RALGAPA1: variants seen among roughly 807,000 people sequenced by gnomAD.
The protein encoded by RALGAPA1 is ral GTPase-activating protein subunit alpha-1.
RALGAPA1 carries 52 observed loss-of-function variants against 269.6 expected under a neutral mutation model. The observed-to-expected ratio is 0.19, with a 90% CI of 0.15 to 0.24. RALGAPA1 has a LOEUF of 0.24. RALGAPA1 is among the 10% of genes least tolerant of loss of function. The pLI, the probability that RALGAPA1 is intolerant of heterozygous loss-of-function variation, is 1.00. For synonymous variants in RALGAPA1, 817 were observed against 1,008.3 expected (o/e 0.81, Z 3.60); for missense variants, 1,917 against 3,013.9 (o/e 0.64, Z 8.52).
Position 35,705,336 on chromosome 14 carries a change from C to T in RALGAPA1, c.2267-5034G>A, listed in dbSNP as rs568161644. Among the ~76,000 whole-genome samples, 21 of 152,124 alleles carry T rather than the reference C, an allele frequency of 1.4e-4. No individual in the cohort carries two copies. In the South Asian group the frequency reaches 4.2e-3, roughly 30 times the overall value. On this transcript the variant is annotated intron_variant, in intron 16 of 41. Transcript: ENST00000680220. ...TACCTATTCATCCCTTCTTCTAGCC[C>T]CACCCCCCTATTCCTAGTGCCTGGA...
chr14:35,650,411 T>G (rs2062743202), intron 31 of RALGAPA1, among the ~76,000 whole-genome samples: 1 of 151,022 alleles, frequency 6.6e-6, no homozygotes, highest in South Asian at 2.1e-4. Context: ...AAATTTAAAA[T>G]AAAAAAAATA....
rs757695203 is a variant in RALGAPA1 at position 35,686,609 on chromosome 14, C to T, written c.4010G>A (p.Ser1337Asn). Reference sequence around the variant, plus strand: ...CATCAGATCAGGAACATTAGCACTGCTGCCGCCAATATCACTATTAAGAGG... The same window carrying T: ...CATCAGATCAGGAACATTAGCACTGTTGCCGCCAATATCACTATTAAGAGG... Reference protein sequence around the residue: ...LPPLNSDIGGSSANVPDLMDE... With the variant: ...LPPLNSDIGGNSANVPDLMDE... The change falls in exon 19 of 42, where the codon AGC (serine) becomes AAC (asparagine). Residue 1337 changes from serine to asparagine, a missense_variant. Transcript: ENST00000680220. 1 of 1,608,894 alleles carries T rather than the reference C, an allele frequency of 6.2e-7. No homozygotes were observed. The highest frequency in any genetic ancestry group is 1.7e-5 in the Admixed American group (1 of 59,816).
At chr14:35,596,715 A>G (rs2058951976) in intron 36 of RALGAPA1, among the ~76,000 whole-genome samples, 1 of 152,156 alleles carries the variant, frequency 6.6e-6, no homozygotes, top group South Asian at 2.1e-4. Context: ...TCAGTAATAC[A>G]TTTACATAAT....
chr14:35,742,383 T>C lies in RALGAPA1; in HGVS notation c.1434A>G (p.Gly478=). Residue 478 remains glycine, a synonymous_variant, in exon 11 of 42, where the codon GGA becomes GGG. Transcript: ENST00000680220. ...VTDHDISMEE[G]EKREEENGTN... ...ATAACTTCACCTCTTCTCTTTTTTC[T>C]CCTTCTTCCATTGAAATATCATGGT... The C allele has an allele frequency of 3.1e-6, 5 of 1,591,684 alleles. No individual in the cohort carries two copies. Among genetic ancestry groups the C allele is most frequent in the African/African-American group, 2.7e-5 (2 of 74,358 alleles).
chr14:35,714,489 ATATTTT>A (rs2068635395), intron 16 of RALGAPA1, among the ~76,000 whole-genome samples: 1 of 152,140 alleles, frequency 6.6e-6, no homozygotes, highest in Admixed American at 6.5e-5. Context: ...TTTTTACCTT[ATATTTT>A]TAAAGTCTAA....
chr14:35,706,927 AG>A (rs1278793810), intron 16 of RALGAPA1: 3 of 152,352 alleles, frequency 2.0e-5, no homozygotes, highest in Non-Finnish European at 4.4e-5. Context: ...CTACAGATTA[AG>A]TAGGGAAAAA....
chr14:35,763,842 T>C (rs961660412), intron 4 of RALGAPA1, among the ~76,000 whole-genome samples: 4 of 152,042 alleles, frequency 2.6e-5, no homozygotes, highest in Admixed American at 2.0e-4. Flanking sequence ...TTACCAAATA[T>C]TAGATAATTT....
intron 37 of RALGAPA1, among the ~76,000 whole-genome samples, chr14:35,575,698 G>A (rs1343017258): frequency 6.6e-6 from 1 of 152,124 alleles, no homozygotes; most frequent in Non-Finnish European, 1.5e-5. Context: ...AGGTTCAAGC[G>A]ATTATCTTGC....
At chr14:35,616,959 T>G (rs2060288804) in intron 35 of RALGAPA1, among the ~76,000 whole-genome samples, 1 of 152,172 alleles carries the variant, frequency 6.6e-6, no homozygotes, top group Non-Finnish European at 1.5e-5. Context: ...ACCCACAGAC[T>G]ACTTAGAGAG....
Position 35,688,465 on chromosome 14 carries a change from CT to C in RALGAPA1, c.3945del (p.Ala1316LeufsTer8). The C allele has an allele frequency of 6.5e-7, 1 of 1,536,122 alleles. No homozygotes were observed. The highest frequency in any genetic ancestry group is 8.7e-7 in the Non-Finnish European group (1 of 1,146,888). Reference sequence around the variant, plus strand: ...GCACACTGTTAGTGCTCACCTGCAGCTTTCCTTCCAAAATAGCCCATTACAT... The same window carrying C: ...GCACACTGTTAGTGCTCACCTGCAGCTTCCTTCCAAAATAGCCCATTACAT... ...YSHVMGYFGR[K>X]AAVNKEDMSQ... On this transcript the variant is annotated frameshift_variant, in exon 18 of 42. Coordinates refer to ENST00000680220, the MANE Select transcript of RALGAPA1 (RefSeq NM_001346249.2). LOFTEE classifies it high-confidence loss of function.
At position 35,686,654 on chromosome 14, in the gene RALGAPA1, T is replaced by C. The variant is rs1297901917; in HGVS notation, c.3965A>G (p.Asp1322Gly). 6.4e-7 allele frequency: 1 copy of C among 1,560,334 alleles called. No individual in the cohort carries two copies. The highest frequency in any genetic ancestry group is 1.2e-5 in the South Asian group (1 of 85,068). Residue 1322 changes from aspartate to glycine, a missense_variant, in exon 19 of 42, where the codon GAC becomes GGC. Around this residue, in one of 11 missense-constraint regions of RALGAPA1, gnomAD observed 615 missense variants for 790.0 expected, o/e 0.78. Coordinates refer to ENST00000680220, the MANE Select transcript of RALGAPA1 (RefSeq NM_001346249.2). The stretch of plus-strand genomic sequence containing the variant: ...AAGAGGAGGCAGTTTTTGGCTCATG[T>C]CCTCTTTATTGACTAAAAATAAATA... Reference protein sequence around the residue: ...FGRKAAVNKEDMSQKLPPLNS... With the variant: ...FGRKAAVNKEGMSQKLPPLNS...
intron 30 of RALGAPA1, among the ~76,000 whole-genome samples, chr14:35,652,483 A>G (rs2062899165): frequency 6.6e-6 from 1 of 151,896 alleles, no homozygotes. Context: ...AGTGCAGTGG[A>G]GCAATCTCAG....
At chr14:35,764,005 T>C (rs1399842026) in intron 4 of RALGAPA1, among the ~76,000 whole-genome samples, 2 of 152,184 alleles carry the variant, frequency 1.3e-5, no homozygotes, top group Admixed American at 6.6e-5. Flanking sequence ...TCATTTGATA[T>C]TTCCTAGTGA....
intron 3 of RALGAPA1, among the ~76,000 whole-genome samples, chr14:35,774,168 C>T (rs998791624): frequency 3.3e-5 from 5 of 152,130 alleles, no homozygotes; most frequent in Non-Finnish European, 7.3e-5. Context: ...AACCTCCCAC[C>T]TCAGCCTCCG....
At chr14:35,765,861 G>T in intron 4 of RALGAPA1, 2 of 746,170 alleles carry the variant, frequency 2.7e-6, no homozygotes, top group South Asian at 1.6e-5. Flanking sequence ...TTCCGAAATT[G>T]TTGGATTAGG....
At chr14:35,778,106 G>T (rs569489128) in intron 1 of RALGAPA1, among the ~76,000 whole-genome samples, 114 of 152,118 alleles carry the variant, frequency 7.5e-4, no homozygotes, top group African/African-American at 2.6e-3. Flanking sequence ...TATCACCCAG[G>T]CTAGAGTGCT....
At chr14:35,701,485 C>A (rs1011446082) in intron 16 of RALGAPA1, among the ~76,000 whole-genome samples, 3 of 152,090 alleles carry the variant, frequency 2.0e-5, no homozygotes, top group African/African-American at 7.2e-5. Flanking sequence ...ACTGTCCTCC[C>A]GTGCTGCCGC....
intron 38 of RALGAPA1, among the ~76,000 whole-genome samples, chr14:35,570,949 A>G (rs1409719243): frequency 1.3e-5 from 2 of 152,238 alleles, no homozygotes; most frequent in Admixed American, 6.5e-5. Context: ...TAGGGTGTCT[A>G]TTCAAAAGAA....
At chr14:35,639,308 G>T (rs1268520504) in intron 31 of RALGAPA1, among the ~76,000 whole-genome samples, 2 of 152,166 alleles carry the variant, frequency 1.3e-5, no homozygotes, top group Non-Finnish European at 2.9e-5. Flanking sequence ...TAAAGAGAGA[G>T]ATATATGCCA....
Sources: gnomAD v4.1 joint callset for allele counts (sites outside exome capture counted in the v4.1 genomes callset) on GRCh38, gnomAD v4.1.1 for gene constraint, gnomAD v4.1.1 regional missense constraint, MANE v1.5 for transcripts, NCBI Gene and HGNC (gene_info 2026-07-23, HGNC 2026-07-21) for gene names.